PTPRD: variants seen among roughly 807,000 people sequenced by gnomAD.
PTPRD encodes protein tyrosine phosphatase receptor type D, also known as receptor-type tyrosine-protein phosphatase delta.
In PTPRD, 34 loss-of-function variants were observed where a neutral mutation model predicts 214.5. That is an observed-to-expected ratio of 0.16 (90% CI 0.12 to 0.21). The LOEUF (loss-of-function observed/expected upper bound fraction) is 0.21, where lower values mean the gene tolerates loss of function less well. Among genes scored for constraint, PTPRD ranks in the 10% least tolerant of loss-of-function variants. The probability of loss-of-function intolerance (pLI) is 1.00; values close to 1 mark genes in which losing one functional copy is unlikely to be tolerated. For synonymous variants in PTPRD, 1,128 were observed against 845.7 expected, an observed-to-expected ratio of 1.33 and a Z score of -5.79; for missense variants, 2,545 against 2,398.7, an observed-to-expected ratio of 1.06 and a Z score of -1.27.
chr9:8,384,428 T>G (rs1053599162), intron 37 of PTPRD, among the ~76,000 whole-genome samples: 3 of 152,192 alleles, frequency 2.0e-5, no homozygotes, highest in African/African-American at 7.2e-5. Flanking sequence ...ACTAACAGTA[T>G]TTCATATTAC....
At chr9:9,044,296 T>C (rs1201033764) in intron 10 of PTPRD, among the ~76,000 whole-genome samples, 1 of 152,200 alleles carries the variant, frequency 6.6e-6, no homozygotes, top group African/African-American at 2.4e-5. Flanking sequence ...CTGAGCTTTG[T>C]TTGTTTCAAA....
chr9:10,163,307 G>A (rs1421808334), intron 3 of PTPRD, among the ~76,000 whole-genome samples: 1 of 151,150 alleles, frequency 6.6e-6, no homozygotes, highest in Non-Finnish European at 1.5e-5. Flanking sequence ...TTTAATTACT[G>A]TCTTTGAAAA....
intron 11 of PTPRD, among the ~76,000 whole-genome samples, chr9:8,750,488 T>G (rs890300645): frequency 6.6e-6 from 1 of 151,902 alleles, no homozygotes; most frequent in Admixed American, 6.6e-5. Context: ...ACCTGGTAAG[T>G]GCTCGAAAGA....
At chr9:9,751,107 T>A (rs1418340164) in intron 6 of PTPRD, among the ~76,000 whole-genome samples, 1 of 152,092 alleles carries the variant, frequency 6.6e-6, no homozygotes, top group African/African-American at 2.4e-5. Flanking sequence ...CACACTCTTA[T>A]CCACACAATA....
intron 9 of PTPRD, among the ~76,000 whole-genome samples, chr9:9,293,810 T>C (rs995729235): frequency 2.0e-5 from 3 of 151,656 alleles, no homozygotes; most frequent in Admixed American, 6.6e-5. Context: ...GTTGTAACTT[T>C]TGCAGTTTGA....
At chr9:8,521,814 C>T (rs988418476) in intron 19 of PTPRD, among the ~76,000 whole-genome samples, 1 of 152,142 alleles carries the variant, frequency 6.6e-6, no homozygotes, top group Non-Finnish European at 1.5e-5. Context: ...CCACAAAAAA[C>T]TATCTACAAA....
At chr9:8,735,137 T>TG (rs1313247867) in intron 11 of PTPRD, among the ~76,000 whole-genome samples, 3 of 143,642 alleles carry the variant, frequency 2.1e-5, no homozygotes, top group Non-Finnish European at 4.7e-5. Flanking sequence ...GGTTTTTTTT[T>TG]GTTTTTTTTT....
chr9:10,608,490 C>G (rs534924834), intron 2 of PTPRD, among the ~76,000 whole-genome samples: 61 of 152,156 alleles, frequency 4.0e-4, no homozygotes, highest in Middle Eastern at 6.8e-3. Flanking sequence ...TTCCTTAGCC[C>G]TCTTTCAAAC....
At chr9:9,600,766 G>A (rs2093688209) in intron 7 of PTPRD, among the ~76,000 whole-genome samples, 1 of 152,016 alleles carries the variant, frequency 6.6e-6, no homozygotes, top group Non-Finnish European at 1.5e-5. Flanking sequence ...TTTATTCACT[G>A]GATGCTAACT....
intron 11 of PTPRD, among the ~76,000 whole-genome samples, chr9:8,851,059 A>G: frequency 6.6e-6 from 1 of 152,146 alleles, no homozygotes; most frequent in East Asian, 1.9e-4. Flanking sequence ...GCCTCCATCA[A>G]TACATTTGAC....
chr9:8,995,241 T>C (rs1007254561), intron 11 of PTPRD, among the ~76,000 whole-genome samples: 1 of 152,088 alleles, frequency 6.6e-6, no homozygotes, highest in African/African-American at 2.4e-5. Flanking sequence ...AAATAATTAC[T>C]TTATTGGTTG....
At chr9:10,424,795 A>G (rs1027777332) in intron 2 of PTPRD, among the ~76,000 whole-genome samples, 4 of 152,004 alleles carry the variant, frequency 2.6e-5, no homozygotes, top group Admixed American at 1.3e-4. Context: ...CCCTGCTGGA[A>G]ATAAATAAAA....
At chr9:9,566,986 T>C (rs555083837) in intron 8 of PTPRD, among the ~76,000 whole-genome samples, 2 of 152,052 alleles carry the variant, frequency 1.3e-5, no homozygotes, top group Non-Finnish European at 2.9e-5. Context: ...GCACCAATTT[T>C]ACCCTCAAAG....
intron 5 of PTPRD, among the ~76,000 whole-genome samples, chr9:9,890,686 C>T (rs988445820): frequency 6.6e-6 from 1 of 151,988 alleles, no homozygotes; most frequent in Non-Finnish European, 1.5e-5. Flanking sequence ...CACAGAGACT[C>T]TGTGCAAAAG....
intron 11 of PTPRD, among the ~76,000 whole-genome samples, chr9:8,893,363 G>C (rs148018685): frequency 4.2e-4 from 64 of 152,272 alleles, no homozygotes; most frequent in African/African-American, 1.4e-3. Flanking sequence ...AATACGAAGG[G>C]AGAGTAGAGA....
chr9:9,537,782 A>G (rs536687719), intron 8 of PTPRD, among the ~76,000 whole-genome samples: 8 of 152,070 alleles, frequency 5.3e-5, no homozygotes, highest in Non-Finnish European at 1.2e-4. Flanking sequence ...TTTGTATCTC[A>G]CAGATACCAC....
At chr9:10,150,020 C>T (rs761936251) in intron 3 of PTPRD, among the ~76,000 whole-genome samples, 7 of 151,976 alleles carry the variant, frequency 4.6e-5, no homozygotes, top group Non-Finnish European at 1.0e-4. Flanking sequence ...TGAGCCATGG[C>T]GTCTGGCCCT....
chr9:9,287,457 T>A (rs982571503), intron 9 of PTPRD, among the ~76,000 whole-genome samples: 1 of 151,932 alleles, frequency 6.6e-6, no homozygotes, highest in African/African-American at 2.4e-5. Context: ...TTGATAATTT[T>A]TCTATCCAGC....
At chr9:9,455,605 T>C (rs1461170984) in intron 8 of PTPRD, among the ~76,000 whole-genome samples, 1 of 151,606 alleles carries the variant, frequency 6.6e-6, no homozygotes, top group Non-Finnish European at 1.5e-5. Context: ...AATTAGCTGG[T>C]GAATCATTTA....
Sources: gnomAD v4.1 joint callset for allele counts (sites outside exome capture counted in the v4.1 genomes callset) on GRCh38, gnomAD v4.1.1 for gene constraint, MANE v1.5 for transcripts, NCBI Gene and HGNC (gene_info 2026-07-23, HGNC 2026-07-21) for gene names.